The following LAMA2 variants were observed in gnomAD, a reference collection of about 807,000 sequenced individuals.
The protein encoded by LAMA2 is laminin subunit alpha-2.
Under a neutral mutation model 364.8 loss-of-function variants are expected in LAMA2, and 269 were observed. That is an observed-to-expected ratio of 0.74 (90% CI 0.67 to 0.82). LAMA2 has a LOEUF of 0.82. Ranked by LOEUF, LAMA2 falls within the 40% of genes least tolerant of loss-of-function variation. The probability of loss-of-function intolerance (pLI) is 0.00; values close to 1 mark genes in which losing one functional copy is unlikely to be tolerated. For missense variants in LAMA2, 3,807 were observed against 3,873.2 expected (o/e 0.98, Z 0.45); for synonymous variants, 1,379 against 1,370.6 (o/e 1.01, Z -0.14).
At chr6:128,945,829 G>T (rs1349056116) in intron 1 of LAMA2, among the ~76,000 whole-genome samples, 3 of 152,132 alleles carry the variant, frequency 2.0e-5, no homozygotes, top group African/African-American at 7.2e-5. Context: ...CCCATGATTA[G>T]GTAACATTTT....
In LAMA2 at chr6:129,356,199, T is replaced by C. The variant is rs117624451; in HGVS notation, c.4717+2842T>C. ...GGATTTTCACTACTATCATGAAGAA[T>C]GTATACAAATAATCTGTGTCCACGT... On this transcript the variant is annotated intron_variant, in intron 32 of 64. Coordinates refer to ENST00000421865, the MANE Select transcript of LAMA2 (RefSeq NM_000426.4). Among the ~76,000 whole-genome samples the C allele has an allele frequency of 3.2e-3, 481 of 152,220 alleles. 4 individuals are homozygous for C. Among genetic ancestry groups the C allele is most frequent in the Non-Finnish European group, 5.8e-3 (396 of 67,980 alleles).
chr6:129,086,227 T>C (rs1774379495), intron 3 of LAMA2, among the ~76,000 whole-genome samples: 1 of 152,258 alleles, frequency 6.6e-6, no homozygotes. Context: ...TCCCTATTTA[T>C]TAATGTTGTG....
Position 129,516,545 on chromosome 6 carries a change from A to C in LAMA2, c.*198A>C. 2.3e-6 allele frequency: 1 copy of C among 430,778 alleles called. No individual in the cohort carries two copies. The highest frequency in any genetic ancestry group is 4.1e-6 in the Non-Finnish European group (1 of 241,740). 26.7% of individuals were successfully genotyped at this position (430,778 alleles called of 1,614,324 possible). A position where few individuals can be genotyped will look rare whatever the true frequency, so the allele number is the denominator to read the frequency against. The stretch of plus-strand genomic sequence containing the variant: ...CTTTCTCAAGTCTATAAATAATATT[A>C]AACTGATTATTTCATTCTAAATAAT... On this transcript the variant is annotated 3_prime_UTR_variant, in exon 65 of 65. Coordinates refer to ENST00000421865, the MANE Select transcript of LAMA2 (RefSeq NM_000426.4).
chr6:129,100,117 G>A (rs889062974), intron 4 of LAMA2, among the ~76,000 whole-genome samples: 1 of 152,088 alleles, frequency 6.6e-6, no homozygotes, highest in South Asian at 2.1e-4. Context: ...TGTAACATGC[G>A]TGTCACAAGC....
chr6:129,100,011 C>G (rs1300143419), intron 4 of LAMA2, among the ~76,000 whole-genome samples: 1 of 152,150 alleles, frequency 6.6e-6, no homozygotes, highest in East Asian at 1.9e-4. Context: ...TTACATAAGA[C>G]TAATAATTCT....
intron 14 of LAMA2, among the ~76,000 whole-genome samples, chr6:129,254,970 C>T (rs1725866479): frequency 6.6e-6 from 1 of 152,084 alleles, no homozygotes; most frequent in Non-Finnish European, 1.5e-5. Context: ...TTGCATTTCT[C>T]TAATCCTGGA....
chr6:129,105,961 T>A (rs1180833370), intron 4 of LAMA2, among the ~76,000 whole-genome samples: 1 of 152,190 alleles, frequency 6.6e-6, no homozygotes, highest in Non-Finnish European at 1.5e-5. Context: ...GTTACCATAG[T>A]GATTTTGCTT....
At chr6:129,419,520 C>T (rs1051397981) in intron 40 of LAMA2, among the ~76,000 whole-genome samples, 1 of 152,154 alleles carries the variant, frequency 6.6e-6, no homozygotes, top group Non-Finnish European at 1.5e-5. Context: ...GTGTCTGTCT[C>T]ACTGAAGCAG....
chr6:129,473,249 G>A lies in LAMA2; in HGVS notation c.7336G>A (p.Glu2446Lys), dbSNP rs764023933. ...AATTGTAGATATAGATACTAATCAG[G>A]AGGAGAATATAGCAACTTCGTCTTC... ...ISIVDIDTNQEENIATSSSGN... is the reference protein window; with the variant it reads ...ISIVDIDTNQKENIATSSSGN... Residue 2446 changes from glutamate (E) to lysine (K), a missense_variant, in exon 52 of 65, where the codon GAG becomes AAG. Around this residue, in one of 3 missense-constraint regions of LAMA2, gnomAD observed 3,333 missense variants for 3,345.7 expected, o/e 1.00. Transcript: ENST00000421865. 22 of 1,604,346 alleles carry A rather than the reference G, an allele frequency of 1.4e-5. No individual in the cohort carries two copies. Among genetic ancestry groups the A allele is most frequent in the Admixed American group, 3.3e-5 (2 of 59,900 alleles).
chr6:128,891,907 C>T (rs897756645), intron 1 of LAMA2, among the ~76,000 whole-genome samples: 3 of 151,894 alleles, frequency 2.0e-5, no homozygotes, highest in Non-Finnish European at 2.9e-5. Flanking sequence ...TCGTAGAAAA[C>T]GTATGGACTT....
At chr6:129,023,191 C>A (rs1460602834) in intron 1 of LAMA2, among the ~76,000 whole-genome samples, 1 of 152,134 alleles carries the variant, frequency 6.6e-6, no homozygotes. Flanking sequence ...CCTTTCATTT[C>A]TGAATCAAGT....
chr6:129,287,716 G>T (rs1789376648), intron 18 of LAMA2, 131 bp from the exon 19 acceptor site: 2 of 809,266 alleles, frequency 2.5e-6, no homozygotes, highest in Admixed American at 1.8e-5. Context: ...TTTTAATCAC[G>T]TTGCGTTTGA....
intron 40 of LAMA2, among the ~76,000 whole-genome samples, chr6:129,408,140 G>A (rs1360728723): frequency 3.3e-5 from 5 of 152,082 alleles, no homozygotes; most frequent in Admixed American, 2.0e-4. Context: ...GGTCACTAGT[G>A]GTGATGGTGA....
chr6:129,227,401 G>T (rs1447017285), intron 12 of LAMA2, among the ~76,000 whole-genome samples: 1 of 152,184 alleles, frequency 6.6e-6, no homozygotes, highest in African/African-American at 2.4e-5. Context: ...GAGGAGGAGA[G>T]GCGCTCTGAT....
intron 9 of LAMA2, among the ~76,000 whole-genome samples, chr6:129,167,897 C>T (rs1481016965): frequency 4.0e-5 from 6 of 150,404 alleles, no homozygotes; most frequent in South Asian, 2.1e-4. Flanking sequence ...TTTTGATTTG[C>T]ATTTCTCTGA....
intron 1 of LAMA2, among the ~76,000 whole-genome samples, chr6:129,040,528 C>T (rs921139955): frequency 6.6e-6 from 1 of 152,058 alleles, no homozygotes; most frequent in African/African-American, 2.4e-5. Context: ...ACTCAGGATG[C>T]TCAGGCAAGA....
rs147797010 is a variant in LAMA2 at position 129,241,097 on chromosome 6, A to T, written c.1783-9015A>T. 4.6e-3 allele frequency among the ~76,000 whole-genome samples: 700 copies of T among 152,350 alleles called. 6 individuals are homozygous for T. The highest frequency in any genetic ancestry group is 0.016 in the African/African-American group (647 of 41,586). ...TAAGAACAGAGAAACCAATAAAGAC[A>T]TATTTTAATGATGGCAGGGTATCTC... On this transcript the variant is annotated intron_variant, in intron 12 of 64. Transcript: ENST00000421865.
chr6:129,392,533 G>A (rs1193130305), intron 36 of LAMA2, among the ~76,000 whole-genome samples: 1 of 151,966 alleles, frequency 6.6e-6, no homozygotes, highest in Non-Finnish European at 1.5e-5. Context: ...AGAAAAACTA[G>A]GTAAGTTAAA....
At chr6:129,036,895 T>C (rs1582913772) in intron 1 of LAMA2, among the ~76,000 whole-genome samples, 1 of 152,224 alleles carries the variant, frequency 6.6e-6, no homozygotes, top group East Asian at 1.9e-4. Context: ...ATTTTCCAGT[T>C]CTATTAAACC....
Sources: allele counts gnomAD v4.1 joint callset (sites outside exome capture counted in the v4.1 genomes callset), GRCh38; gene constraint gnomAD v4.1.1; regional missense constraint gnomAD v4.1.1; transcripts MANE v1.5; gene names NCBI Gene and HGNC (gene_info 2026-07-23, HGNC 2026-07-21).